Variants in AP1G1 observed in about 807,000 individuals in gnomAD.
AP1G1 encodes AP-1 complex subunit gamma-1.
In AP1G1, 7 loss-of-function variants were observed where a neutral mutation model predicts 108.3. The observed-to-expected ratio is 0.06, with a 90% confidence interval of 0.04 to 0.12. AP1G1 has a LOEUF of 0.12. Among genes scored for constraint, AP1G1 ranks in the 10% least tolerant of loss-of-function variants. The pLI is 1.00. For synonymous variants in AP1G1, 379 were observed against 353.5 expected (o/e 1.07, Z -0.81); for missense variants, 756 against 1,010.7 (o/e 0.75, Z 3.42).
chr16:71,778,388 A>C (rs992090879), intron 2 of AP1G1, among the ~76,000 whole-genome samples: 2 of 152,156 alleles, frequency 1.3e-5, no homozygotes, highest in African/African-American at 2.4e-5. Context: ...TTAATCTTTA[A>C]GAATATTATC....
At chr16:71,797,672 G>A (rs1312338903) in intron 1 of AP1G1, among the ~76,000 whole-genome samples, 1 of 152,184 alleles carries the variant, frequency 6.6e-6, no homozygotes, top group South Asian at 2.1e-4. Context: ...AGTGGTGCAC[G>A]CCTGTGACCC....
At chr16:71,769,057 C>A (rs1252075929) in intron 6 of AP1G1, among the ~76,000 whole-genome samples, 2 of 141,402 alleles carry the variant, frequency 1.4e-5, no homozygotes, top group Non-Finnish European at 3.0e-5. Flanking sequence ...CTGAGGCGGG[C>A]TGATCACCTG....
At chr16:71,768,862 G>A (rs1430243001) in intron 6 of AP1G1, among the ~76,000 whole-genome samples, 1 of 138,008 alleles carries the variant, frequency 7.2e-6, no homozygotes, top group Non-Finnish European at 1.5e-5. Context: ...AACTTGCAGC[G>A]AGCCAAGATC....
chr16:71,730,986 A>G lies in AP1G1; in HGVS notation c.*2072T>C, dbSNP rs2045470113. The stretch of plus-strand genomic sequence containing the variant: ...CCTGAGCTGGTTAGCTACAAATATA[A>G]GAGAGAAAATAAAGCCTCTACACAA... On this transcript the variant is annotated 3_prime_UTR_variant, in exon 23 of 23. Transcript: ENST00000299980. 6.6e-6 allele frequency: 1 copy of G among 152,438 alleles called. No individual in the cohort carries two copies. The highest frequency in any genetic ancestry group is 1.5e-5 in the Non-Finnish European group (1 of 68,030). The allele number at this position is 152,438 out of a possible 1,614,324, so 9.4% of individuals were successfully genotyped here.
chr16:71,784,021 TCAC>T (rs2032115094), intron 2 of AP1G1, among the ~76,000 whole-genome samples: 1 of 152,168 alleles, frequency 6.6e-6, no homozygotes, highest in Non-Finnish European at 1.5e-5. Flanking sequence ...AGGAAATCTA[TCAC>T]CACTTTTGTT....
intron 2 of AP1G1, among the ~76,000 whole-genome samples, chr16:71,780,497 T>TAA (rs537929533): frequency 0.037 from 4,776 of 129,648 alleles, 285 homozygotes; most frequent in African/African-American, 0.13. Flanking sequence ...TCTCTTAATT[T>TAA]AAAAAAAAAA....
At chr16:71,749,346 G>T (rs2030360192) in intron 15 of AP1G1, among the ~76,000 whole-genome samples, 1 of 151,890 alleles carries the variant, frequency 6.6e-6, no homozygotes, top group Non-Finnish European at 1.5e-5. Flanking sequence ...AACTAGCCAG[G>T]GTGGTGCCTG....
At chr16:71,748,196 TTTTG>T (rs2030285292) in intron 16 of AP1G1, 51 bp downstream of exon 16, 2 of 1,568,086 alleles carry the variant, frequency 1.3e-6, no homozygotes, top group Non-Finnish European at 1.7e-6. Context: ...TTGGGATTTT[TTTTG>T]TTTTTTAATT....
chr16:71,735,783 G>A (rs932982544), intron 21 of AP1G1, among the ~76,000 whole-genome samples: 7 of 152,010 alleles, frequency 4.6e-5, no homozygotes, highest in Non-Finnish European at 1.0e-4. Flanking sequence ...ATTTGAGAGA[G>A]AGAGACACTA....
At chr16:71,784,770 G>A (rs1343293439) in intron 2 of AP1G1, among the ~76,000 whole-genome samples, 1 of 151,534 alleles carries the variant, frequency 6.6e-6, no homozygotes, top group Non-Finnish European at 1.5e-5. Flanking sequence ...TGTTGGCCAG[G>A]ATGGTCTCAA....
chr16:71,804,781 C>T lies in AP1G1; in HGVS notation c.-4+3982G>A, dbSNP rs564628579. Among the ~76,000 whole-genome samples, 27 of 152,194 alleles carry T rather than the reference C, an allele frequency of 1.8e-4. 2 individuals are homozygous for T. The South Asian group carries it at 5.4e-3, about 30-fold the overall frequency. ...CCTTTAATACCAGCACTTTGGGAGACAGAGGTGGGAGGACCTCTTGAGCCC... is the reference window on the plus strand; with the variant it reads ...CCTTTAATACCAGCACTTTGGGAGATAGAGGTGGGAGGACCTCTTGAGCCC... On this transcript the variant is annotated intron_variant, in intron 1 of 22. Coordinates refer to ENST00000299980, the MANE Select transcript of AP1G1 (RefSeq NM_001128.6).
intron 2 of AP1G1, among the ~76,000 whole-genome samples, chr16:71,784,709 C>T (rs1320221634): frequency 1.3e-5 from 2 of 151,838 alleles, no homozygotes; most frequent in African/African-American, 2.4e-5. Context: ...CAGGCACCCA[C>T]CATCACGCCT....
In AP1G1 at chr16:71,745,725, C is replaced by A; in HGVS notation, c.1731-111G>T. 5.8e-6 allele frequency: 5 copies of A among 859,792 alleles called. No homozygotes were observed. The Admixed American group carries it at 9.2e-5, about 16-fold the overall frequency. 53.3% of individuals were successfully genotyped at this position (859,792 alleles called of 1,614,324 possible). ...AGCATGGAGATCTATCTCCCCTCCC[C>A]ATCCAACACACACACTAAAATAGAA... On this transcript the variant is annotated intron_variant, in intron 17 of 22. Coordinates refer to ENST00000299980, the MANE Select transcript of AP1G1 (RefSeq NM_001128.6).
At chr16:71,770,148 T>A (rs2031515577) in intron 5 of AP1G1, among the ~76,000 whole-genome samples, 1 of 152,216 alleles carries the variant, frequency 6.6e-6, no homozygotes, top group African/African-American at 2.4e-5. Flanking sequence ...GATGACAAAG[T>A]AAATTTAACT....
chr16:71,765,552 G>T lies in AP1G1; in HGVS notation c.675C>A (p.Asn225Lys). 6.2e-7 allele frequency: 1 copy of T among 1,613,530 alleles called. No individual in the cohort carries two copies. The highest frequency in any genetic ancestry group is 1.7e-5 in the Admixed American group (1 of 60,008). Residue 225 changes from asparagine to lysine, a missense_variant, in exon 7 of 23, where the codon AAC (asparagine) becomes AAA (lysine). Coordinates refer to ENST00000299980, the MANE Select transcript of AP1G1 (RefSeq NM_001128.6). ...LVPQLVRILK[N>K]LIMSGYSPEH... ...CTGGTGAATATCCGGACATGATGAGGTTCTTTAAAATACGAACTAATTGGG... is the reference window on the plus strand; with the variant it reads ...CTGGTGAATATCCGGACATGATGAGTTTCTTTAAAATACGAACTAATTGGG...
intron 21 of AP1G1, among the ~76,000 whole-genome samples, chr16:71,736,113 A>ATAT (rs1459616687): frequency 4.0e-5 from 3 of 75,724 alleles, no homozygotes; most frequent in African/African-American, 1.2e-4. Context: ...AAAAAAAAAA[A>ATAT]AAAAATATAT....
chr16:71,761,542 C>T lies in AP1G1; in HGVS notation c.944G>A (p.Arg315His). The stretch of plus-strand genomic sequence containing the variant: ...ATTCTTGTCATTGTTCAATAAGAAA[C>T]GACCCAGGATATTTATGGCTAGGAC... ...LRVLAINILG[R>H]FLLNNDKNIR... The change falls in exon 10 of 23, where the codon CGT (arginine) becomes CAT (histidine). Residue 315 changes from arginine to histidine, a missense_variant. Coordinates refer to ENST00000299980, the MANE Select transcript of AP1G1 (RefSeq NM_001128.6). 1 of 1,607,222 alleles carries T rather than the reference C, an allele frequency of 6.2e-7. No individual in the cohort carries two copies. The highest frequency in any genetic ancestry group is 8.5e-7 in the Non-Finnish European group (1 of 1,174,578).
chr16:71,733,237 T>G (rs2045491190), intron 22 of AP1G1, 78 bp from the exon 23 acceptor site: 1 of 1,203,540 alleles, frequency 8.3e-7, no homozygotes, highest in Non-Finnish European at 1.2e-6. Context: ...AAATAGACTT[T>G]TAATCTTAGA....
At chr16:71,738,881 G>GAAA in intron 21 of AP1G1, 61 bp downstream of exon 21, 10 of 1,080,836 alleles carry the variant, frequency 9.3e-6, no homozygotes, top group South Asian at 5.2e-5. Flanking sequence ...CCAAACACAT[G>GAAA]AAAAAAAAAA....
Sources: gnomAD v4.1 joint callset for allele counts (sites outside exome capture counted in the v4.1 genomes callset) on GRCh38, gnomAD v4.1.1 for gene constraint, MANE v1.5 for transcripts, NCBI Gene and HGNC (gene_info 2026-07-23, HGNC 2026-07-21) for gene names.